The following DGCR8 variants were observed in gnomAD, a reference collection of about 807,000 sequenced individuals.
DGCR8 encodes the protein microprocessor complex subunit DGCR8.
A neutral mutation model predicts 78.5 loss-of-function variants in DGCR8; 14 were observed. The ratio of observed to expected loss-of-function variants is 0.18; its 90% CI spans 0.12 to 0.28. DGCR8 has a LOEUF of 0.28. Ranked by LOEUF, DGCR8 falls within the 10% of genes least tolerant of loss-of-function variation. The probability of loss-of-function intolerance (pLI) is 1.00; values close to 1 mark genes in which losing one functional copy is unlikely to be tolerated. For missense variants in DGCR8, 702 were observed against 1,022.5 expected (o/e 0.69, Z 4.28); for synonymous variants, 399 against 402.4 (o/e 0.99, Z 0.10).
intron 10 of DGCR8, 89 bp downstream of exon 10, chr22:20,106,366 C>A: frequency 8.3e-7 from 1 of 1,197,692 alleles, no homozygotes; most frequent in Non-Finnish European, 1.2e-6. Context: ...TGTCCCAAGG[C>A]AGAGGCATGG....
At chr22:20,091,996 TC>T in intron 7 of DGCR8, 26 bp downstream of exon 7, 1 of 1,572,990 alleles carries the variant, frequency 6.4e-7, no homozygotes, top group Non-Finnish European at 8.7e-7. Flanking sequence ...CCCATTTCAG[TC>T]CTAAAGAATC....
chr22:20,080,536 G>C lies in DGCR8; in HGVS notation c.-278+153G>C. 4 of 969,994 alleles carry C rather than the reference G, an allele frequency of 4.1e-6. 1 individual carries two copies. The Middle Eastern group carries it at 1.6e-3, about 385-fold the overall frequency. 60.1% of individuals were successfully genotyped at this position (969,994 alleles called of 1,614,324 possible). ...GGCCTTTGTGAGGCAACATGGCCGCGGGCGGTGGAGAGCGCGGGGTGGGGA... is the reference window on the plus strand; with the variant it reads ...GGCCTTTGTGAGGCAACATGGCCGCCGGCGGTGGAGAGCGCGGGGTGGGGA... On this transcript the variant is annotated intron_variant, in intron 1 of 13. Transcript: ENST00000351989.
chr22:20,101,539 C>T lies in DGCR8; in HGVS notation c.1789-4638C>T. The T allele has an allele frequency of 3.1e-6, 3 of 967,012 alleles. No homozygotes were observed. In the South Asian group the frequency reaches 1.4e-4, roughly 46 times the overall value. The allele number at this position is 967,012 out of a possible 1,614,324, so 59.9% of individuals were successfully genotyped here. On this transcript the variant is annotated intron_variant, in intron 9 of 13. Transcript: ENST00000351989. ...CTTGCAGCGAGCTGAGATTGCGCCA[C>T]TGCACTCCAGCCTGGGCGACGGAGC... is the stretch of plus-strand genomic sequence containing the variant.
At chr22:20,107,067 ACT>A (rs2049779523) in intron 11 of DGCR8, 2 of 612,778 alleles carry the variant, frequency 3.3e-6, no homozygotes, top group South Asian at 1.9e-5. Context: ...CAGCTCCTAG[ACT>A]CTGAGGGCCA....
chr22:20,109,988 A>G (rs777252490), intron 13 of DGCR8, 37 bp from the exon 14 acceptor site: 1 of 1,606,428 alleles, frequency 6.2e-7, no homozygotes, highest in East Asian at 2.2e-5. Flanking sequence ...TGCCAAGCCC[A>G]CCTCACTGGT....
At chr22:20,108,291 G>C (rs918405995) in intron 12 of DGCR8, 1 of 152,774 alleles carries the variant, frequency 6.5e-6, no homozygotes, top group Admixed American at 6.5e-5. Context: ...TGGCTGTGAC[G>C]GAGGGAGAGA....
intron 9 of DGCR8, chr22:20,100,696 G>A: frequency 1.0e-6 from 1 of 985,438 alleles, no homozygotes; most frequent in Non-Finnish European, 1.2e-6. Context: ...AAACCACATT[G>A]CAAAGTAGTC....
intron 5 of DGCR8, among the ~76,000 whole-genome samples, 163 bp from the exon 6 acceptor site, chr22:20,091,272 C>T (rs760657180): frequency 6.6e-6 from 1 of 152,224 alleles, no homozygotes; most frequent in Admixed American, 6.5e-5. Context: ...ATAATCTGAG[C>T]TGGTGTAGGG....
intron 1 of DGCR8, among the ~76,000 whole-genome samples, chr22:20,083,364 A>G (rs2049438773): frequency 7.0e-6 from 1 of 143,350 alleles, no homozygotes; most frequent in East Asian, 1.9e-4. Flanking sequence ...AGCATCTAGG[A>G]TGGTGTGTGT....
At chr22:20,102,806 A>T (rs751052973) in intron 9 of DGCR8, among the ~76,000 whole-genome samples, 1 of 152,128 alleles carries the variant, frequency 6.6e-6, no homozygotes, top group African/African-American at 2.4e-5. Flanking sequence ...TTGCTGTTCC[A>T]TGTAGACTTT....
At chr22:20,092,074 G>T in intron 7 of DGCR8, 104 bp downstream of exon 7, 1 of 884,300 alleles carries the variant, frequency 1.1e-6, no homozygotes. Context: ...CTACTGGAAC[G>T]GGAGGAAAGG....
rs2049497785 is a variant in DGCR8 at position 20,087,302 on chromosome 22, G to A, written c.861G>A (p.Lys287=). The stretch of plus-strand genomic sequence containing the variant: ...CAAGTGTGCAGCCGATGATGACCAA[G>A]ATTAAAACAGTGCTCAAAAGTACGT... The part of the protein sequence containing the change: ...GETSVQPMMT[K]IKTVLKSRGR... The change falls in exon 3 of 14, where the codon AAG becomes AAA. Residue 287 remains lysine (K), a synonymous_variant. Coordinates refer to ENST00000351989, the MANE Select transcript of DGCR8 (RefSeq NM_022720.7). This position sits in a 1 kb window ranked among gnomAD's most constrained non-coding sequence, Gnocchi z 4.1. The A allele has an allele frequency of 1.2e-6, 2 of 1,610,812 alleles. No homozygotes were observed. The highest frequency in any genetic ancestry group is 1.3e-5 in the African/African-American group (1 of 74,848).
chr22:20,086,690 T>TG lies in DGCR8; in HGVS notation c.720+9dup, dbSNP rs779195256. 1 of 1,599,218 alleles carries TG rather than the reference T, an allele frequency of 6.3e-7. No individual in the cohort carries two copies. Among genetic ancestry groups the TG allele is most frequent in the East Asian group, 2.2e-5 (1 of 44,826 alleles). Reference sequence around the variant, plus strand: ...CTTGAATTTCCCCTACGAGGTATGTTGGCAGCCCCTCCTCTAGAGGGCTCT... The same window carrying TG: ...CTTGAATTTCCCCTACGAGGTATGTTGGGCAGCCCCTCCTCTAGAGGGCTCT... On this transcript the variant is annotated splice_region_variant and intron_variant, in intron 2 of 13. Transcript: ENST00000351989. The surrounding 1 kb of genome is among the most constrained non-coding windows in gnomAD (Gnocchi z 6.4).
Position 20,106,613 on chromosome 22 carries a change from G to A in DGCR8, c.1911G>A (p.Thr637=), listed in dbSNP as rs771220313. The change falls in exon 11 of 14, where the codon ACG becomes ACA. Residue 637 remains threonine (T), a synonymous_variant. Coordinates refer to ENST00000351989, the MANE Select transcript of DGCR8 (RefSeq NM_022720.7). ...AAAGAAACCATGGGATGGGTGACAC[G>A]TCTATCAAGTTTGAAGTGGTTCCTG... ...CLKRNHGMGD[T]SIKFEVVPGK... The A allele has an allele frequency of 4.3e-6, 7 of 1,613,750 alleles. No homozygotes were observed. The highest frequency in any genetic ancestry group is 1.1e-5 in the South Asian group (1 of 91,076).
rs1254978096 is a variant in DGCR8, at chr22:20,086,566, G to A, written c.603G>A (p.Glu201=). The A allele has an allele frequency of 1.9e-6, 3 of 1,613,942 alleles. No homozygotes were observed. Among genetic ancestry groups the A allele is most frequent in the Admixed American group, 1.7e-5 (1 of 60,008 alleles). ...EKRVEYAVLD[E]LEDFTDNLEL... is the part of the protein sequence containing the mutation. ...GAGTGGAGTATGCAGTGCTCGATGA[G>A]TTAGAAGATTTTACTGACAATTTGG... Residue 201 remains glutamate, a synonymous_variant, in exon 2 of 14, where the codon GAG becomes GAA. Transcript: ENST00000351989. The surrounding 1 kb of genome is among the most constrained non-coding windows in gnomAD (Gnocchi z 6.4).
At position 20,089,160 on chromosome 22, in the gene DGCR8, G is replaced by C. The variant is rs1359135105; in HGVS notation, c.881-509G>C. On this transcript the variant is annotated intron_variant, in intron 3 of 13. Transcript: ENST00000351989. The surrounding 1 kb of genome is among the most constrained non-coding windows in gnomAD (Gnocchi z 4.9). ...CAACTGCCTATAAAGCAAAGAAGGGGTTGGGAGTAGTGTATTAAACCAACT... is the reference window on the plus strand; with the variant it reads ...CAACTGCCTATAAAGCAAAGAAGGGCTTGGGAGTAGTGTATTAAACCAACT... Among the ~76,000 whole-genome samples the C allele has an allele frequency of 1.3e-5, 2 of 152,230 alleles. No individual in the cohort carries two copies. The highest frequency in any genetic ancestry group is 4.8e-5 in the African/African-American group (2 of 41,458).
chr22:20,100,041 A>G (rs377691900), intron 9 of DGCR8, among the ~76,000 whole-genome samples: 4 of 152,194 alleles, frequency 2.6e-5, no homozygotes, highest in African/African-American at 9.7e-5. Context: ...ACAGTCTCCA[A>G]GTACTAGCTG....
rs113501572 is a variant in DGCR8, at chr22:20,111,852, C to T, written c.*1744C>T. ...AAGGCGAGCCTTGATTGTCTGAACA[C>T]ATAAAGCAAACTGTCCAGAAGGGAA... is the stretch of plus-strand genomic sequence containing the variant. On this transcript the variant is annotated 3_prime_UTR_variant, in exon 14 of 14. Transcript: ENST00000351989. 4.4e-3 allele frequency: 776 copies of T among 176,978 alleles called. 3 individuals are homozygous for T. The highest frequency in any genetic ancestry group is 5.8e-3 in the Non-Finnish European group (489 of 84,546). 11.0% of individuals were successfully genotyped at this position (176,978 alleles called of 1,614,324 possible). A position where few individuals can be genotyped will look rare whatever the true frequency, so the allele number is the denominator to read the frequency against.
intron 8 of DGCR8, among the ~76,000 whole-genome samples, chr22:20,093,668 G>A (rs564671200): frequency 1.3e-5 from 2 of 152,352 alleles, no homozygotes; most frequent in East Asian, 3.9e-4. Context: ...CCCACTCCAT[G>A]TTTGGGCCTA....
Sources: gnomAD v4.1 joint callset for allele counts (sites outside exome capture counted in the v4.1 genomes callset) on GRCh38, gnomAD v4.1.1 for gene constraint, Gnocchi (gnomAD v3.1) non-coding constraint, MANE v1.5 for transcripts, NCBI Gene and HGNC (gene_info 2026-07-23, HGNC 2026-07-21) for gene names.